Variants in KIF21B observed in about 807,000 individuals in gnomAD.
The protein encoded by KIF21B is kinesin family member 21B, also known as kinesin-like protein KIF21B.
KIF21B carries 85 observed loss-of-function variants against 192.9 expected under a neutral mutation model. The observed-to-expected ratio is 0.44, with a 90% CI of 0.37 to 0.53. The LOEUF (loss-of-function observed/expected upper bound fraction) is 0.53, where lower values mean the gene tolerates loss of function less well. Among genes scored for constraint, KIF21B ranks in the 20% least tolerant of loss-of-function variants. The pLI is 0.00. For missense variants in KIF21B, 1,716 were observed against 2,194.8 expected (o/e 0.78, Z 4.36); for synonymous variants, 832 against 884.6 (o/e 0.94, Z 1.05).
chr1:200,986,860 G>T lies in KIF21B; in HGVS notation c.3673C>A (p.Arg1225=), dbSNP rs147866695. 1.2e-6 allele frequency: 2 copies of T among 1,613,584 alleles called. No individual in the cohort carries two copies. Among genetic ancestry groups the T allele is most frequent in the Admixed American group, 1.7e-5 (1 of 59,958 alleles). Residue 1225 remains arginine (R), a synonymous_variant, in exon 26 of 35, where the codon CGA becomes AGA. Coordinates refer to ENST00000461742, the MANE Select transcript of KIF21B (RefSeq NM_001252102.2). ...TGATCTCACCTAATGGGCTGCCCTC[G>T]GTCGTAGGACTTCCTTCTCGTCAGC... ...SPLTRRKSYD[R]GQPIRSTDVG...
At chr1:201,007,788 A>C (rs1657996029) in intron 3 of KIF21B, among the ~76,000 whole-genome samples, 1 of 152,048 alleles carries the variant, frequency 6.6e-6, no homozygotes, top group African/African-American at 2.4e-5. Context: ...AGATGCGCAC[A>C]CAGACACATA....
At chr1:201,014,322 T>A (rs1410618308) in intron 1 of KIF21B, among the ~76,000 whole-genome samples, 1 of 152,040 alleles carries the variant, frequency 6.6e-6, no homozygotes, top group Non-Finnish European at 1.5e-5. Context: ...GTGCCTGCGG[T>A]GGCAGCGGGA....
rs1655133614 is a variant in KIF21B at position 200,969,878 on chromosome 1, G to T, written c.*3643C>A. ...AGGGAAGGATCTGGGAGTCAGGAGA[G>T]GAGGGCCAGGCCCAGGAAGGCCTGT... is the stretch of plus-strand genomic sequence containing the variant. On this transcript the variant is annotated 3_prime_UTR_variant, in exon 35 of 35. Transcript: ENST00000461742. The T allele has an allele frequency of 6.6e-6, 1 of 152,520 alleles. No individual in the cohort carries two copies. The highest frequency in any genetic ancestry group is 2.4e-5 in the African/African-American group (1 of 41,480). 9.4% of individuals were successfully genotyped at this position (152,520 alleles called of 1,614,324 possible). A position where few individuals can be genotyped will look rare whatever the true frequency, so the allele number is the denominator to read the frequency against.
At chr1:201,004,612 T>G in intron 6 of KIF21B, 154 bp downstream of exon 6, 1 of 1,148,126 alleles carries the variant, frequency 8.7e-7, no homozygotes, top group Non-Finnish European at 1.3e-6. Context: ...GTTGGTGAAA[T>G]GGGGAAGCTG....
At chr1:200,991,572 C>T in intron 17 of KIF21B, 85 bp downstream of exon 17, 1 of 1,393,562 alleles carries the variant, frequency 7.2e-7, no homozygotes, top group South Asian at 1.2e-5. Flanking sequence ...AGTTGGAGGC[C>T]CAAAAGAGAA....
chr1:200,983,821 G>C (rs748087887), intron 27 of KIF21B, among the ~76,000 whole-genome samples: 3 of 152,226 alleles, frequency 2.0e-5, no homozygotes, highest in Non-Finnish European at 4.4e-5. Context: ...GGGGAAGGAG[G>C]TGTCTGGGGT....
intron 1 of KIF21B, among the ~76,000 whole-genome samples, chr1:201,019,200 T>C (rs1350552585): frequency 3.9e-5 from 6 of 152,230 alleles, no homozygotes; most frequent in African/African-American, 1.4e-4. Flanking sequence ...CCCAAAGTGC[T>C]GGGATCACAG....
rs548387826 is a variant in KIF21B, at chr1:201,010,555, C to G, written c.42-1067G>C. 1.5e-3 allele frequency among the ~76,000 whole-genome samples: 221 copies of G among 152,278 alleles called. 1 individual carries two copies. The highest frequency in any genetic ancestry group is 2.7e-3 in the Non-Finnish European group (184 of 68,018). ...AAAGCACCACCCCCACCCCAACTCC[C>G]TAAAGTAAAAGGGGCTGGGGGTTAG... On this transcript the variant is annotated intron_variant, in intron 1 of 34. Transcript: ENST00000461742.
Position 200,999,438 on chromosome 1 carries a change from C to T in KIF21B, c.1796G>A (p.Cys599Tyr). Residue 599 changes from cysteine to tyrosine, a missense_variant, in exon 13 of 35, where the codon TGT becomes TAT. Transcript: ENST00000461742. The surrounding 1 kb of genome is among the most constrained non-coding windows in gnomAD (Gnocchi z 4.7). The part of the protein sequence containing the change: ...EEEEERDESG[C>Y]EEEEGREDED... Reference sequence around the variant, plus strand: ...ATCCTCGCGCCCTTCCTCCTCCTCACAGCCACTCTCGTCTCGCTCTTCCTC... The same window carrying T: ...ATCCTCGCGCCCTTCCTCCTCCTCATAGCCACTCTCGTCTCGCTCTTCCTC... 6.2e-7 allele frequency: 1 copy of T among 1,614,108 alleles called. No individual in the cohort carries two copies. The highest frequency in any genetic ancestry group is 1.1e-5 in the South Asian group (1 of 91,084).
At chr1:200,974,264 G>T in intron 34 of KIF21B, 1 of 1,393,858 alleles carries the variant, frequency 7.2e-7, no homozygotes, top group Non-Finnish European at 9.7e-7. Context: ...GGAGAGAAGG[G>T]ACAAAGTCGG....
At chr1:200,997,979 A>G (rs1270722789) in intron 14 of KIF21B, among the ~76,000 whole-genome samples, 1 of 152,226 alleles carries the variant, frequency 6.6e-6, no homozygotes, top group East Asian at 1.9e-4. Context: ...TGTTTGCTGA[A>G]TAAGTAAATC....
In KIF21B at chr1:200,972,016, G is replaced by A. The variant is rs1006747813; in HGVS notation, c.*1505C>T. 7.6e-6 allele frequency: 1 copy of A among 131,040 alleles called. No homozygotes were observed. Among genetic ancestry groups the A allele is most frequent in the African/African-American group, 2.8e-5 (1 of 35,802 alleles). 8.1% of individuals were successfully genotyped at this position (131,040 alleles called of 1,614,324 possible). ...TCCCAGACTGAAGCGGGAAGCACAA[G>A]ACCAGCGATGCAACGGAAAAACAGG... On this transcript the variant is annotated 3_prime_UTR_variant, in exon 35 of 35. Transcript: ENST00000461742.
intron 30 of KIF21B, among the ~76,000 whole-genome samples, chr1:200,979,044 G>A (rs1655741993): frequency 6.6e-6 from 1 of 152,188 alleles, no homozygotes; most frequent in Non-Finnish European, 1.5e-5. Context: ...GTTAATGTAA[G>A]GATGTAGCAT....
Position 201,005,629 on chromosome 1 carries a change from C to T in KIF21B, c.513G>A (p.Arg171=), listed in dbSNP as rs1657768957. The T allele has an allele frequency of 6.2e-7, 1 of 1,614,178 alleles. No individual in the cohort carries two copies. Among genetic ancestry groups the T allele is most frequent in the Non-Finnish European group, 8.5e-7 (1 of 1,180,030 alleles). ...CGTCCTCGTGGATCTTGATGTTGGA[C>T]CTGCGGTGGCGGGTGTCAGGGTCAC... ...STRDPDTRHR[R]SNIKIHEDAN... is the part of the protein sequence containing the mutation. The change falls in exon 4 of 35, where the codon AGG becomes AGA. Residue 171 remains arginine, a synonymous_variant. Coordinates refer to ENST00000461742, the MANE Select transcript of KIF21B (RefSeq NM_001252102.2).
At position 200,982,304 on chromosome 1, in the gene KIF21B, TA is replaced by T. The variant is rs1655985724; in HGVS notation, c.3842+751del. ...GGTGGCAAAGCCTCATGATTCACAG[TA>T]AACCAGTTGTCGACACTCAGGGCTG... On this transcript the variant is annotated intron_variant, in intron 28 of 34. Transcript: ENST00000461742. The surrounding 1 kb of genome is among the most constrained non-coding windows in gnomAD (Gnocchi z 4.7). 6.6e-6 allele frequency among the ~76,000 whole-genome samples: 1 copy of T among 152,072 alleles called. No individual in the cohort carries two copies. The highest frequency in any genetic ancestry group is 2.4e-5 in the African/African-American group (1 of 41,398).
chr1:200,983,015 T>G (rs1571917829), intron 28 of KIF21B, 41 bp downstream of exon 28: 2 of 1,520,280 alleles, frequency 1.3e-6, no homozygotes, highest in Non-Finnish European at 1.8e-6. Flanking sequence ...GTGCCGAGAG[T>G]GAGAGTGGGG....
chr1:200,974,815 G>C lies in KIF21B; in HGVS notation c.4713C>G (p.Val1571=), dbSNP rs1655436736. ...LSACRAGVIK[V]WNVDNFTPIG... ...TGGGTGTGAAGTTGTCCACGTTCCA[G>C]ACCTTGATGACACCCGCACGGCAGG... Residue 1571 remains valine (V), a synonymous_variant, in exon 34 of 35, where the codon GTC becomes GTG. Coordinates refer to ENST00000461742, the MANE Select transcript of KIF21B (RefSeq NM_001252102.2). 1 of 1,614,238 alleles carries C rather than the reference G, an allele frequency of 6.2e-7. No individual in the cohort carries two copies.
Position 201,017,951 on chromosome 1 carries a change from T to C in KIF21B, c.41+5392A>G, listed in dbSNP as rs1411083426. 6.6e-6 allele frequency among the ~76,000 whole-genome samples: 1 copy of C among 152,024 alleles called. No homozygotes were observed. Among genetic ancestry groups the C allele is most frequent in the Admixed American group, 6.5e-5 (1 of 15,280 alleles). ...CTGCCGCCTGCCCTGGAGCTTCACA[T>C]AGGGATTGAGGTGGGTGGATCTCTG... is the stretch of plus-strand genomic sequence containing the variant. On this transcript the variant is annotated intron_variant, in intron 1 of 34. Coordinates refer to ENST00000461742, the MANE Select transcript of KIF21B (RefSeq NM_001252102.2). This position sits in a 1 kb window ranked among gnomAD's most constrained non-coding sequence, Gnocchi z 4.1.
intron 7 of KIF21B, 44 bp from the exon 8 acceptor site, chr1:201,003,825 AG>A (rs1347778343): frequency 1.3e-6 from 2 of 1,594,366 alleles, no homozygotes; most frequent in Admixed American, 1.7e-5. Context: ...GGACACAGCC[AG>A]CCCCCAGAAG....
Sources: allele counts gnomAD v4.1 joint callset (sites outside exome capture counted in the v4.1 genomes callset), GRCh38; gene constraint gnomAD v4.1.1; non-coding constraint Gnocchi (gnomAD v3.1); transcripts MANE v1.5; gene names NCBI Gene and HGNC (gene_info 2026-07-23, HGNC 2026-07-21).